Variants in CCNY observed in about 807,000 individuals in gnomAD.
CCNY encodes the protein cyclin-Y.
Under a neutral mutation model 42.8 loss-of-function variants are expected in CCNY, and 19 were observed. The ratio of observed to expected loss-of-function variants is 0.44; its 90% CI spans 0.31 to 0.65. The LOEUF is 0.65. Ranked by LOEUF, CCNY falls within the 30% of genes least tolerant of loss-of-function variation. CCNY has a pLI of 0.07. For missense variants in CCNY, 370 were observed against 437.3 expected (o/e 0.85, Z 1.37); for synonymous variants, 165 against 162.7 (o/e 1.01, Z -0.11).
chr10:35,356,888 A>G (rs1836562304), intron 1 of CCNY, among the ~76,000 whole-genome samples: 1 of 152,068 alleles, frequency 6.6e-6, no homozygotes, highest in South Asian at 2.1e-4. Context: ...TGTTGTGGTT[A>G]GAGTAAATAC....
At chr10:35,415,843 C>T (rs1426042304) in intron 1 of CCNY, among the ~76,000 whole-genome samples, 1 of 152,190 alleles carries the variant, frequency 6.6e-6, no homozygotes, top group Admixed American at 6.5e-5. Flanking sequence ...CACATGGGCT[C>T]AGCCATCCTG....
rs573176004 is a variant in CCNY at position 35,370,231 on chromosome 10, A to G, written c.154+33024A>G. Among the ~76,000 whole-genome samples the G allele has an allele frequency of 6.6e-5, 10 of 150,934 alleles. No individual in the cohort carries two copies. In the South Asian group the frequency reaches 1.0e-3, roughly 16 times the overall value. On this transcript the variant is annotated intron_variant, in intron 1 of 9. Coordinates refer to ENST00000374704, the MANE Select transcript of CCNY (RefSeq NM_145012.6). ...CCGTGGCACGATCTCGGCTCACTGCAAGCTCCGCTTCCCGGGTTCACTCCA... is the reference window on the plus strand; with the variant it reads ...CCGTGGCACGATCTCGGCTCACTGCGAGCTCCGCTTCCCGGGTTCACTCCA...
At chr10:35,364,260 A>G (rs1836762606) in intron 1 of CCNY, among the ~76,000 whole-genome samples, 1 of 152,178 alleles carries the variant, frequency 6.6e-6, no homozygotes, top group Non-Finnish European at 1.5e-5. Flanking sequence ...ATCCGTCTAA[A>G]CAATGGAAGG....
At position 35,552,839 on chromosome 10, in the gene CCNY, G is replaced by A. The variant is rs370769685; in HGVS notation, c.580-180G>A. ...CCCACACTGTCCACTAATGGAGTGGGACTTTTAGCCCACGTTTCATCAGAC... is the reference window on the plus strand; with the variant it reads ...CCCACACTGTCCACTAATGGAGTGGAACTTTTAGCCCACGTTTCATCAGAC... On this transcript the variant is annotated intron_variant, in intron 7 of 9. Transcript: ENST00000374704. Among the ~76,000 whole-genome samples the A allele has an allele frequency of 2.0e-5, 3 of 152,180 alleles. No homozygotes were observed. In the East Asian group the frequency reaches 5.8e-4, roughly 29 times the overall value.
At chr10:35,345,125 G>A (rs984243443) in intron 1 of CCNY, among the ~76,000 whole-genome samples, 2 of 152,142 alleles carry the variant, frequency 1.3e-5, no homozygotes, top group African/African-American at 4.8e-5. Context: ...GGTATTTCTA[G>A]TTCTAGATCC....
At chr10:35,568,349 A>T (rs1418814040) in intron 9 of CCNY, among the ~76,000 whole-genome samples, 2 of 152,322 alleles carry the variant, frequency 1.3e-5, no homozygotes, top group Non-Finnish European at 1.5e-5. Flanking sequence ...TCTCTTCTCC[A>T]AATAATCAAA....
rs777176577 is a variant in CCNY at position 35,530,291 on chromosome 10, A to G, written c.579+48A>G. On this transcript the variant is annotated intron_variant, in intron 7 of 9. Transcript: ENST00000374704. This position sits in a 1 kb window ranked among gnomAD's most constrained non-coding sequence, Gnocchi z 4.3. ...CACCCATCCCCAGCCGAGGTGGTCC[A>G]GGGCCCGTTCCTGTTACTCAGCGGA... 6 of 1,611,710 alleles carry G rather than the reference A, an allele frequency of 3.7e-6. No individual in the cohort carries two copies. In the South Asian group the frequency reaches 4.4e-5, roughly 12 times the overall value.
chr10:35,541,455 G>T (rs1262250826), intron 7 of CCNY, among the ~76,000 whole-genome samples: 1 of 152,108 alleles, frequency 6.6e-6, no homozygotes, highest in Non-Finnish European at 1.5e-5. Flanking sequence ...AGAGTGCATT[G>T]GCACCATTCA....
intron 3 of CCNY, among the ~76,000 whole-genome samples, chr10:35,312,664 G>A (rs945852097): frequency 6.6e-6 from 1 of 150,726 alleles, no homozygotes; most frequent in African/African-American, 2.4e-5. Flanking sequence ...CCCCCATCTT[G>A]TAGAACACAT....
intron 4 of CCNY, among the ~76,000 whole-genome samples, chr10:35,518,105 C>G (rs886845724): frequency 6.6e-6 from 1 of 152,204 alleles, no homozygotes; most frequent in African/African-American, 2.4e-5. Context: ...ACAGGTGGCT[C>G]TGTCTTAGTT....
rs777053809 is a variant in CCNY at position 35,337,024 on chromosome 10, A to T, written c.-30A>T. 19 of 1,517,410 alleles carry T rather than the reference A, an allele frequency of 1.3e-5. No homozygotes were observed. The highest frequency in any genetic ancestry group is 1.6e-5 in the Non-Finnish European group (18 of 1,128,166). The allele number at this position is 1,517,410 out of a possible 1,614,324, so 94.0% of individuals were successfully genotyped here. On this transcript the variant is annotated 5_prime_UTR_variant, in exon 1 of 10. Transcript: ENST00000374704. The stretch of plus-strand genomic sequence containing the variant: ...CGCTCCCGGGGACTGGGAGAACAGG[A>T]TAGCAGCAGGAGTCGGGGGGCCGCC...
Position 35,259,495 on chromosome 10 carries a change from G to GTTTTTTTTT in CCNY, c.-9+8886_-9+8894dup, listed in dbSNP as rs35988898. ...TAAACCACCACACCCAGTCCTGGTT[G>GTTTTTTTTT]TTTTTTTTTTTTTTTTTTTTTTTTT... On this transcript the variant is annotated intron_variant, in intron 3 of 11. Transcript: ENST00000374706. Among the ~76,000 whole-genome samples, 23 of 65,154 alleles carry GTTTTTTTTT rather than the reference G, an allele frequency of 3.5e-4. 3 individuals are homozygous for GTTTTTTTTT. The highest frequency in any genetic ancestry group is 1.1e-3 in the African/African-American group (16 of 14,604). The allele number at this position is 65,154 out of a possible 152,430, so 42.7% of individuals were successfully genotyped here.
In CCNY at chr10:35,553,150, C is replaced by G; in HGVS notation, c.711C>G (p.Tyr237Ter). The change falls in exon 8 of 10, where the codon TAC becomes TAG. Residue 237 changes from tyrosine to a stop codon, truncating the protein, a stop_gained. Coordinates refer to ENST00000374704, the MANE Select transcript of CCNY (RefSeq NM_145012.6). LOFTEE classifies it high-confidence loss of function. ...WDDQAVWNVD[Y>*]CQILKDITVE... is the part of the protein sequence containing the mutation. ...ACCAGGCTGTATGGAATGTGGATTA[C>G]TGCCAGATCCTGAAAGACATCACGG... 1 of 1,614,206 alleles carries G rather than the reference C, an allele frequency of 6.2e-7. No individual in the cohort carries two copies. Among genetic ancestry groups the G allele is most frequent in the Non-Finnish European group, 8.5e-7 (1 of 1,180,030 alleles).
chr10:35,280,380 G>A (rs112989039), intron 3 of CCNY, among the ~76,000 whole-genome samples: 12 of 146,490 alleles, frequency 8.2e-5, no homozygotes, highest in East Asian at 2.0e-4. Flanking sequence ...AAAGGAAGAA[G>A]GGAAGAAAGG....
chr10:35,385,615 G>T (rs3013371), intron 1 of CCNY, among the ~76,000 whole-genome samples: 2,588 of 152,312 alleles, frequency 0.017, 94 homozygotes, highest in African/African-American at 0.058. Flanking sequence ...GAATATTCCA[G>T]TTGCCCCATA....
intron 1 of CCNY, among the ~76,000 whole-genome samples, chr10:35,480,420 C>T (rs1839641730): frequency 6.6e-6 from 1 of 152,074 alleles, no homozygotes; most frequent in African/African-American, 2.4e-5. Context: ...GAGGCACGGG[C>T]TGCTGGTGGA....
intron 1 of CCNY, among the ~76,000 whole-genome samples, chr10:35,412,860 CAAAAAAAAAAAAAA>C (rs10558250): frequency 1.7e-4 from 6 of 34,766 alleles, no homozygotes; most frequent in South Asian, 1.5e-3. Context: ...GACTCTGTCT[CAAAAAAAAAAAAAA>C]AAAAAAAAAA....
At chr10:35,464,837 G>A (rs1328210250) in intron 1 of CCNY, among the ~76,000 whole-genome samples, 1 of 152,154 alleles carries the variant, frequency 6.6e-6, no homozygotes, top group Non-Finnish European at 1.5e-5. Flanking sequence ...AATGATAGTG[G>A]ACTCAAATGC....
At chr10:35,482,692 T>C (rs1459865232) in intron 1 of CCNY, among the ~76,000 whole-genome samples, 1 of 149,278 alleles carries the variant, frequency 6.7e-6, no homozygotes, top group Non-Finnish European at 1.5e-5. Context: ...TTGTGTCCAC[T>C]GGGGTGGGGG....
Sources: gnomAD v4.1 joint callset for allele counts (sites outside exome capture counted in the v4.1 genomes callset) on GRCh38, gnomAD v4.1.1 for gene constraint, Gnocchi (gnomAD v3.1) non-coding constraint, MANE v1.5 for transcripts, NCBI Gene and HGNC (gene_info 2026-07-23, HGNC 2026-07-21) for gene names.